Variants in PNPLA6 observed in about 807,000 individuals in gnomAD.
PNPLA6 encodes the protein patatin-like phospholipase domain-containing protein 6.
Under a neutral mutation model 153.7 loss-of-function variants are expected in PNPLA6, and 105 were observed. The observed-to-expected ratio is 0.68, with a 90% CI of 0.58 to 0.80. The LOEUF is 0.80. PNPLA6 is among the 30% of genes least tolerant of loss of function. PNPLA6 has a pLI of 0.00. For missense variants in PNPLA6, 1,423 were observed against 1,919.3 expected (o/e 0.74, Z 4.83); for synonymous variants, 825 against 822.2 (o/e 1.00, Z -0.06).
Position 7,554,597 on chromosome 19 carries a change from G to T in PNPLA6, c.2508G>T (p.Glu836Asp). The T allele has an allele frequency of 6.2e-7, 1 of 1,614,086 alleles. No individual in the cohort carries two copies. Among genetic ancestry groups the T allele is most frequent in the Middle Eastern group, 1.6e-4 (1 of 6,062 alleles). ...FRLSGWLAQQ[E>D]DAHRIVLYQT... ...TGTCAGGGTGGCTGGCCCAGCAGGA[G>T]GATGCACACCGTATCGTACTCTACC... The change falls in exon 21 of 32, where the codon GAG becomes GAT. Residue 836 changes from glutamate (E) to aspartate (D), a missense_variant. Glu to Asp is a conservative substitution (Grantham distance 45, BLOSUM62 2). This residue lies in a region of PNPLA6 where 643 missense variants were observed against 835.2 expected (regional missense o/e 0.77). Transcript: ENST00000600737.
chr19:7,556,632 C>G (rs756710551), intron 25 of PNPLA6, 23 bp from the exon 26 acceptor site: 43 of 1,605,174 alleles, frequency 2.7e-5, no homozygotes, highest in South Asian at 1.1e-4. Flanking sequence ...GCTCCTCCCC[C>G]ACCTCGATCC....
In PNPLA6 at chr19:7,551,109, T is replaced by G. The variant is rs2023624083; in HGVS notation, c.2184+2T>G. 1.5e-6 allele frequency: 2 copies of G among 1,332,162 alleles called. No homozygotes were observed. The highest frequency in any genetic ancestry group is 1.6e-5 in the African/African-American group (1 of 64,266). The allele number at this position is 1,332,162 out of a possible 1,614,324, so 82.5% of individuals were successfully genotyped here. A position where few individuals can be genotyped will look rare whatever the true frequency, so the allele number is the denominator to read the frequency against. On this transcript the variant is annotated splice_donor_variant, in intron 17 of 31. Coordinates refer to ENST00000600737, the MANE Select transcript of PNPLA6 (RefSeq NM_001166114.2). LOFTEE classifies it high-confidence loss of function. ...CACATCAAACGCCGGTACCCGCAGG[T>G]GCGGCCTGTTGTGGGCGGGGCAGAG...
At chr19:7,552,773 GAA>G (rs10714939) in intron 18 of PNPLA6, among the ~76,000 whole-genome samples, 12 of 123,174 alleles carry the variant, frequency 9.7e-5, no homozygotes, top group Non-Finnish European at 1.9e-4. Flanking sequence ...AAAAAAGAAA[GAA>G]AAAAAAAAAG....
intron 13 of PNPLA6, among the ~76,000 whole-genome samples, chr19:7,547,394 G>C (rs1401377469): frequency 6.6e-6 from 1 of 152,152 alleles, no homozygotes; most frequent in Non-Finnish European, 1.5e-5. Flanking sequence ...TTGTGGTTTT[G>C]CTTTGCATTT....
rs766402135 is a variant in PNPLA6, at chr19:7,535,859, AG to A, written c.73del (p.Asp25ThrfsTer28). The A allele has an allele frequency of 4.5e-6, 7 of 1,539,166 alleles. No individual in the cohort carries two copies. The East Asian group carries it at 1.7e-4, about 37-fold the overall frequency. ...GAKVAERDGF[Q>X]DVLAPGEGSA... is the part of the protein sequence containing the mutation. ...AAGGTGGCGGAGAGGGATGGGTTCC[AG>A]GACGTCCTGGCGCCCGGGGAAGGCT... On this transcript the variant is annotated frameshift_variant, in exon 1 of 32. Transcript: ENST00000600737. LOFTEE classifies it high-confidence loss of function. The surrounding 1 kb of genome is among the most constrained non-coding windows in gnomAD (Gnocchi z 5.0).
In PNPLA6 at chr19:7,536,189, A is replaced by G. The variant is rs1262131284; in HGVS notation, c.233-2A>G. ...AGTGCCCCTGTCCCCACCTATCCCC[A>G]GAAACCCCAGCCCCGGATGGCCCCC... is the stretch of plus-strand genomic sequence containing the variant. On this transcript the variant is annotated splice_acceptor_variant, in intron 1 of 31. Coordinates refer to ENST00000600737, the MANE Select transcript of PNPLA6 (RefSeq NM_001166114.2). LOFTEE classifies it high-confidence loss of function. 6.8e-6 allele frequency: 11 copies of G among 1,609,078 alleles called. No individual in the cohort carries two copies. The highest frequency in any genetic ancestry group is 9.4e-6 in the Non-Finnish European group (11 of 1,175,752).
At chr19:7,547,810 A>AT (rs2023447279) in intron 13 of PNPLA6, among the ~76,000 whole-genome samples, 4 of 83,558 alleles carry the variant, frequency 4.8e-5, no homozygotes, top group South Asian at 4.5e-4. Flanking sequence ...GCTAATTAAA[A>AT]ATTTTTTTTT....
chr19:7,558,733 T>C (rs2023987787), intron 27 of PNPLA6, 117 bp from the exon 28 acceptor site: 1 of 665,784 alleles, frequency 1.5e-6, no homozygotes, highest in Non-Finnish European at 2.5e-6. Context: ...CATGTGTGGG[T>C]ATTCTCTCTT....
In PNPLA6 at chr19:7,551,077, CTTGGG is replaced by C; in HGVS notation, c.2156_2160del (p.Leu719SerfsTer63). The C allele has an allele frequency of 6.5e-7, 1 of 1,535,700 alleles. No homozygotes were observed. The highest frequency in any genetic ancestry group is 8.8e-7 in the Non-Finnish European group (1 of 1,138,602). On this transcript the variant is annotated frameshift_variant, in exon 17 of 32. Coordinates refer to ENST00000600737, the MANE Select transcript of PNPLA6 (RefSeq NM_001166114.2). LOFTEE classifies it high-confidence loss of function. ...AGCTGGCCAAGCTTCCCGAGGGCAC[CTTGGG>C]TCACATCAAACGCCGGTACCCGCAG...
In PNPLA6 at chr19:7,540,346, G is replaced by A. The variant is rs1183874580; in HGVS notation, c.714+38G>A. 2.5e-6 allele frequency: 4 copies of A among 1,582,748 alleles called. No individual in the cohort carries two copies. Among genetic ancestry groups the A allele is most frequent in the Non-Finnish European group, 3.4e-6 (4 of 1,166,968 alleles). On this transcript the variant is annotated intron_variant, in intron 5 of 31. Transcript: ENST00000600737. This position sits in a 1 kb window ranked among gnomAD's most constrained non-coding sequence, Gnocchi z 6.8. ...CCCCAGGGGCTGCTGCAGGAGGATG[G>A]GTGGTGGGGATGGGCAGCAGGCATT...
At position 7,560,932 on chromosome 19, in the gene PNPLA6, C is replaced by T. The variant is rs894591177; in HGVS notation, c.3817-82C>T. The T allele has an allele frequency of 5.6e-6, 5 of 890,338 alleles. No individual in the cohort carries two copies. In the African/African-American group the frequency reaches 6.6e-5, roughly 12 times the overall value. 55.2% of individuals were successfully genotyped at this position (890,338 alleles called of 1,614,324 possible). On this transcript the variant is annotated intron_variant, in intron 29 of 31. Coordinates refer to ENST00000600737, the MANE Select transcript of PNPLA6 (RefSeq NM_001166114.2). ...TTCCCACCCTAGGATCTCCTCTGAGCCCCCAATGCACCACTGGGCCCCCCA... is the reference window on the plus strand; with the variant it reads ...TTCCCACCCTAGGATCTCCTCTGAGTCCCCAATGCACCACTGGGCCCCCCA...
intron 13 of PNPLA6, among the ~76,000 whole-genome samples, chr19:7,543,576 C>T (rs1477677750): frequency 6.6e-6 from 1 of 152,194 alleles, no homozygotes; most frequent in Non-Finnish European, 1.5e-5. Flanking sequence ...ATTCTGTCCA[C>T]TGTCCATATG....
At position 7,555,998 on chromosome 19, in the gene PNPLA6, C is replaced by T. The variant is rs1200360824; in HGVS notation, c.3093+235C>T. ...AACCCCCAACGAGAGCACCCAGGGC[C>T]CTTGGTGACCACCTTGTGGATGGCC... On this transcript the variant is annotated intron_variant, in intron 24 of 31. Transcript: ENST00000600737. This position sits in a 1 kb window ranked among gnomAD's most constrained non-coding sequence, Gnocchi z 6.3. 1.3e-5 allele frequency among the ~76,000 whole-genome samples: 2 copies of T among 150,926 alleles called. No individual in the cohort carries two copies. Among genetic ancestry groups the T allele is most frequent in the Non-Finnish European group, 3.0e-5 (2 of 67,738 alleles).
rs369736772 is a variant in PNPLA6 at position 7,547,664 on chromosome 19, G to T, written c.1609-2243G>T. Among the ~76,000 whole-genome samples the T allele has an allele frequency of 2.2e-4, 34 of 152,058 alleles. 1 individual carries two copies. Among genetic ancestry groups the T allele is most frequent in the African/African-American group, 8.0e-4 (33 of 41,464 alleles). On this transcript the variant is annotated intron_variant, in intron 13 of 31. Transcript: ENST00000600737. The stretch of plus-strand genomic sequence containing the variant: ...GCCTTTAATTTATTTTAGAGACGGG[G>T]TCTTGCACTGTAGCCTAGGCTGGAG...
In PNPLA6 at chr19:7,540,751, G is replaced by T. The variant is rs117574616; in HGVS notation, c.795+41G>T. ...CTGAGGCAGGGGGGCTGGGGTGCAAGGTCCCACCCAAGGGACTAGGTTGAA... is the reference window on the plus strand; with the variant it reads ...CTGAGGCAGGGGGGCTGGGGTGCAATGTCCCACCCAAGGGACTAGGTTGAA... On this transcript the variant is annotated intron_variant, in intron 6 of 31. Coordinates refer to ENST00000600737, the MANE Select transcript of PNPLA6 (RefSeq NM_001166114.2). This position sits in a 1 kb window ranked among gnomAD's most constrained non-coding sequence, Gnocchi z 6.8. The T allele has an allele frequency of 2.2e-5, 34 of 1,563,176 alleles. 1 individual carries two copies. In the South Asian group the frequency reaches 3.7e-4, roughly 17 times the overall value.
rs531925740 is a variant in PNPLA6 at position 7,553,247 on chromosome 19, GTCTTT to G, written c.2261-621_2261-617del. Among the ~76,000 whole-genome samples, 61 of 152,186 alleles carry G rather than the reference GTCTTT, an allele frequency of 4.0e-4. 2 individuals carry two copies. In the South Asian group the frequency reaches 0.012, roughly 31 times the overall value. Reference sequence around the variant, plus strand: ...AAGTAGCTTTTCTTTTCTTGTCTTTGTCTTTTCTTTTATTTTCTTTTTAAGACAGG... The same window carrying G: ...AAGTAGCTTTTCTTTTCTTGTCTTTGTCTTTTATTTTCTTTTTAAGACAGG... On this transcript the variant is annotated intron_variant, in intron 18 of 31. Transcript: ENST00000600737.
chr19:7,542,261 G>A (rs1014197562), intron 10 of PNPLA6, among the ~76,000 whole-genome samples, 194 bp downstream of exon 10: 3 of 152,220 alleles, frequency 2.0e-5, no homozygotes, highest in African/African-American at 7.2e-5. Context: ...GGAGAGTGCA[G>A]GCGTTGATTA....
Position 7,555,015 on chromosome 19 carries a change from G to A in PNPLA6, c.2757G>A (p.Ser919=), listed in dbSNP as rs777156833. ...VEWLNMRSWC[S]GHLHLRCPRR... ...GGCTAAATATGCGCAGCTGGTGCTC[G>A]GGGCACCTGCACCTGCGCTGTCCGC... Residue 919 remains serine (S), a synonymous_variant, in exon 22 of 32, where the codon TCG becomes TCA. Transcript: ENST00000600737. The surrounding 1 kb of genome is among the most constrained non-coding windows in gnomAD (Gnocchi z 6.3). The A allele has an allele frequency of 1.9e-5, 31 of 1,593,586 alleles. No homozygotes were observed. Among genetic ancestry groups the A allele is most frequent in the Non-Finnish European group, 2.5e-5 (30 of 1,178,120 alleles).
At chr19:7,548,728 T>C (rs147132366) in intron 13 of PNPLA6, among the ~76,000 whole-genome samples, 2 of 14,120 alleles carry the variant, frequency 1.4e-4, no homozygotes, top group East Asian at 1.1e-3. Flanking sequence ...TACACACACA[T>C]ATATATACAC....
Sources: gnomAD v4.1 joint callset for allele counts (sites outside exome capture counted in the v4.1 genomes callset) on GRCh38, gnomAD v4.1.1 for gene constraint, gnomAD v4.1.1 regional missense constraint, Gnocchi (gnomAD v3.1) non-coding constraint, MANE v1.5 for transcripts, NCBI Gene and HGNC (gene_info 2026-07-23, HGNC 2026-07-21) for gene names.